Variants in LRIT3 observed in about 807,000 individuals in gnomAD.
LRIT3 encodes the protein leucine rich repeat, Ig-like and transmembrane domains 3.
Under a neutral mutation model 22.6 loss-of-function variants are expected in LRIT3, and 14 were observed. The observed-to-expected ratio is 0.62, with a 90% CI of 0.41 to 0.97. The LOEUF is 0.97. Among genes scored for constraint, LRIT3 ranks in the 50% least tolerant of loss-of-function variants. The pLI is 0.00. For missense variants in LRIT3, 783 were observed against 803.0 expected, an observed-to-expected ratio of 0.98 and a Z score of 0.30; for synonymous variants, 306 against 304.5, an observed-to-expected ratio of 1.01 and a Z score of -0.05.
rs752069625 is a variant in LRIT3 at position 109,869,730 on chromosome 4, A to T, written c.981A>T (p.Lys327Asn). The change falls in exon 4 of 4, where the codon AAA becomes AAT. Residue 327 changes from lysine (K) to asparagine (N), a missense_variant. This residue lies in a region of LRIT3 where 756 missense variants were observed against 753.8 expected (regional missense o/e 1.00). Transcript: ENST00000594814. The stretch of plus-strand genomic sequence containing the variant: ...CTTCCAAAGACGCTGGGGATTACAA[A>T]TGTAAGGCCAAAAATCTGGCTGGGA... ...GISSKDAGDY[K>N]CKAKNLAGMS... is the part of the protein sequence containing the mutation. 1 of 1,612,734 alleles carries T rather than the reference A, an allele frequency of 6.2e-7. No homozygotes were observed. Among genetic ancestry groups the T allele is most frequent in the East Asian group, 2.2e-5 (1 of 44,868 alleles).
Position 109,870,203 on chromosome 4 carries a change from C to T in LRIT3, c.1454C>T (p.Ala485Val). The stretch of plus-strand genomic sequence containing the variant: ...CAAACAATGCTTACGGAGACAAATG[C>T]CGCAATAGAAAACCTCAGGGTGGTC... Reference protein sequence around the residue: ...LDQTMLTETNAAIENLRVVSE... With the variant: ...LDQTMLTETNVAIENLRVVSE... Residue 485 changes from alanine to valine, a missense_variant, in exon 4 of 4, where the codon GCC becomes GTC. Physicochemically the swap from Ala to Val is moderately conservative, Grantham distance 64. Transcript: ENST00000594814. 2 of 1,614,166 alleles carry T rather than the reference C, an allele frequency of 1.2e-6. No homozygotes were observed. Among genetic ancestry groups the T allele is most frequent in the Non-Finnish European group, 8.5e-7 (1 of 1,180,022 alleles).
rs1291431956 is a variant in LRIT3 at position 109,870,047 on chromosome 4, G to A, written c.1298G>A (p.Ser433Asn). 1 of 1,614,092 alleles carries A rather than the reference G, an allele frequency of 6.2e-7. No individual in the cohort carries two copies. The highest frequency in any genetic ancestry group is 8.5e-7 in the Non-Finnish European group (1 of 1,180,030). Reference protein sequence around the residue: ...TTTLSTSISASTTMANKRSFQ... With the variant: ...TTTLSTSISANTTMANKRSFQ... ...ACTCTGAGCACAAGCATCTCAGCAAGTACCACCATGGCCAACAAGCGATCA... is the reference window on the plus strand; with the variant it reads ...ACTCTGAGCACAAGCATCTCAGCAAATACCACCATGGCCAACAAGCGATCA... The change falls in exon 4 of 4, where the codon AGT becomes AAT. Residue 433 changes from serine to asparagine, a missense_variant. Coordinates refer to ENST00000594814, the MANE Select transcript of LRIT3 (RefSeq NM_198506.5).
intron 3 of LRIT3, 93 bp from the exon 4 acceptor site, chr4:109,869,552 C>A: frequency 8.3e-7 from 1 of 1,197,970 alleles, no homozygotes; most frequent in Non-Finnish European, 1.2e-6. Context: ...TGAGAGGATG[C>A]ATGTAGAGTG....
At chr4:109,850,272 G>A (rs1020781521) in intron 1 of LRIT3, among the ~76,000 whole-genome samples, 1 of 151,936 alleles carries the variant, frequency 6.6e-6, no homozygotes, top group Non-Finnish European at 1.5e-5. Context: ...GTATCTCATA[G>A]GAGATAAGTC....
chr4:109,850,422 C>CCTTCTTTCTTCCTTCCTTTCTTTCTTT (rs66553123), intron 1 of LRIT3, among the ~76,000 whole-genome samples: 1 of 55,088 alleles, frequency 1.8e-5, no homozygotes, highest in African/African-American at 7.6e-5. Flanking sequence ...TTCCTTCCTT[C>CCTTCTTTCTTCCTTCCTTTCTTTCTTT]CTTTCTTTCT....
At chr4:109,866,771 A>C (rs1734690744) in intron 2 of LRIT3, among the ~76,000 whole-genome samples, 1 of 152,176 alleles carries the variant, frequency 6.6e-6, no homozygotes, top group African/African-American at 2.4e-5. Flanking sequence ...CTTTTCTTCA[A>C]GCCCTCACTG....
intron 2 of LRIT3, among the ~76,000 whole-genome samples, chr4:109,853,975 T>A (rs1307193546): frequency 5.3e-5 from 8 of 152,222 alleles, no homozygotes; most frequent in Admixed American, 4.6e-4. Context: ...ACTGTGCTGT[T>A]TTGGTTACTG....
Position 109,869,940 on chromosome 4 carries a change from T to C in LRIT3, c.1191T>C (p.Phe397=). 1 of 1,614,162 alleles carries C rather than the reference T, an allele frequency of 6.2e-7. No individual in the cohort carries two copies. The highest frequency in any genetic ancestry group is 8.5e-7 in the Non-Finnish European group (1 of 1,180,018). The change falls in exon 4 of 4, where the codon TTT becomes TTC. Residue 397 remains phenylalanine, a synonymous_variant. Transcript: ENST00000594814. ...CTTCCTTCTCCCCCACATCTTCTTT[T>C]TCTGCTTCTACTTTGTCTCCTCCCT... is the stretch of plus-strand genomic sequence containing the variant. ...WSSSFSPTSS[F]SASTLSPPST... is the part of the protein sequence containing the mutation.
At chr4:109,865,291 C>T (rs1283748670) in intron 2 of LRIT3, 3 of 1,599,620 alleles carry the variant, frequency 1.9e-6, no homozygotes, top group Non-Finnish European at 2.6e-6. Flanking sequence ...AATGTCATTT[C>T]CTATTACTTT....
intron 2 of LRIT3, chr4:109,865,342 A>G: frequency 6.4e-7 from 1 of 1,566,278 alleles, no homozygotes; most frequent in Admixed American, 1.7e-5. Context: ...GCCTTCACAT[A>G]TCAGGTCAAC....
chr4:109,859,807 C>T (rs920082455), intron 2 of LRIT3, among the ~76,000 whole-genome samples: 3 of 152,326 alleles, frequency 2.0e-5, no homozygotes, highest in South Asian at 2.1e-4. Flanking sequence ...GCACATCACG[C>T]ATGTTGGCTC....
intron 2 of LRIT3, among the ~76,000 whole-genome samples, chr4:109,865,667 A>G (rs1331395799): frequency 6.6e-6 from 1 of 152,214 alleles, no homozygotes; most frequent in African/African-American, 2.4e-5. Context: ...TATGTTTAGC[A>G]AGAAAGGTTA....
At chr4:109,863,410 C>T (rs970548154) in intron 2 of LRIT3, among the ~76,000 whole-genome samples, 1 of 152,160 alleles carries the variant, frequency 6.6e-6, no homozygotes, top group Non-Finnish European at 1.5e-5. Context: ...GATAATAGTA[C>T]TACCTATCCC....
chr4:109,852,866 G>T (rs1383857520), intron 2 of LRIT3, among the ~76,000 whole-genome samples: 1 of 152,098 alleles, frequency 6.6e-6, no homozygotes, highest in African/African-American at 2.4e-5. Flanking sequence ...GTGTTAGTTT[G>T]CTGAGAATGA....
At chr4:109,850,098 C>T (rs555737651) in intron 1 of LRIT3, among the ~76,000 whole-genome samples, 7 of 152,246 alleles carry the variant, frequency 4.6e-5, no homozygotes, top group South Asian at 2.1e-4. Flanking sequence ...ATGCTGCTTA[C>T]GTGTGTATAC....
At position 109,851,972 on chromosome 4, in the gene LRIT3, T is replaced by C; in HGVS notation, c.585T>C (p.Ile195=). The C allele has an allele frequency of 1.3e-6, 2 of 1,539,772 alleles. No individual in the cohort carries two copies. The highest frequency in any genetic ancestry group is 1.8e-6 in the Non-Finnish European group (2 of 1,141,918). ...GVLDLSPSRI[I]LGLQDNPWFC... ...TGGACCTTTCCCCAAGCAGGATTAT[T>C]CTTGGTAAGCTCGCAAGCCTCTGGG... Residue 195 remains isoleucine, a synonymous_variant, in exon 2 of 4, where the codon ATT becomes ATC. Coordinates refer to ENST00000594814, the MANE Select transcript of LRIT3 (RefSeq NM_198506.5).
intron 1 of LRIT3, 105 bp downstream of exon 1, chr4:109,848,422 A>G: frequency 1.9e-6 from 1 of 526,692 alleles, no homozygotes; most frequent in Non-Finnish European, 2.9e-6. Flanking sequence ...CAGAAATCAC[A>G]GAAGAGAATG....
Position 109,870,829 on chromosome 4 carries a change from A to G in LRIT3, c.*40A>G. 3.3e-6 allele frequency: 5 copies of G among 1,528,710 alleles called. No individual in the cohort carries two copies. Among genetic ancestry groups the G allele is most frequent in the Non-Finnish European group, 4.4e-6 (5 of 1,138,742 alleles). 94.7% of individuals were successfully genotyped at this position (1,528,710 alleles called of 1,614,324 possible). On this transcript the variant is annotated 3_prime_UTR_variant, in exon 4 of 4. Coordinates refer to ENST00000594814, the MANE Select transcript of LRIT3 (RefSeq NM_198506.5). ...GGTGCATGTGAGCTACAAAACTAGC[A>G]TCTAAGGGTATAATTGACCCTAGGT... is the stretch of plus-strand genomic sequence containing the variant.
At position 109,870,312 on chromosome 4, in the gene LRIT3, G is replaced by A. The variant is rs1260324910; in HGVS notation, c.1563G>A (p.Lys521=). The A allele has an allele frequency of 1.2e-6, 2 of 1,614,180 alleles. No individual in the cohort carries two copies. The highest frequency in any genetic ancestry group is 1.1e-5 in the South Asian group (1 of 91,078). The change falls in exon 4 of 4, where the codon AAG becomes AAA. Residue 521 remains lysine (K), a synonymous_variant. Coordinates refer to ENST00000594814, the MANE Select transcript of LRIT3 (RefSeq NM_198506.5). ...CTGCAGTGACTGTGTTGTATTCCAA[G>A]TATGGTGGGAAGGACCTGCTGCTGT... The part of the protein sequence containing the change: ...HNSAVTVLYS[K]YGGKDLLLLN...
Sources: gnomAD v4.1 joint callset for allele counts (sites outside exome capture counted in the v4.1 genomes callset) on GRCh38, gnomAD v4.1.1 for gene constraint, gnomAD v4.1.1 regional missense constraint, MANE v1.5 for transcripts, NCBI Gene and HGNC (gene_info 2026-07-23, HGNC 2026-07-21) for gene names.